TRIM3: variants seen among roughly 807,000 people sequenced by gnomAD.
TRIM3 encodes tripartite motif containing 3.
TRIM3 carries 13 observed loss-of-function variants against 66.6 expected under a neutral mutation model. That is an observed-to-expected ratio of 0.20 (90% CI 0.13 to 0.31). The LOEUF (loss-of-function observed/expected upper bound fraction) is 0.31. Ranked by LOEUF, TRIM3 falls within the 10% of genes least tolerant of loss-of-function variation. TRIM3 has a pLI of 1.00. For synonymous variants in TRIM3, 406 were observed against 411.7 expected (o/e 0.99, Z 0.17); for missense variants, 711 against 1,020.4 (o/e 0.70, Z 4.13).
At chr11:6,471,972 T>C (rs1850700610) in intron 1 of TRIM3, among the ~76,000 whole-genome samples, 1 of 152,056 alleles carries the variant, frequency 6.6e-6, no homozygotes, top group Admixed American at 6.5e-5. Flanking sequence ...ATGCTAAAAA[T>C]AAATAAATCT....
chr11:6,462,910 T>C lies in TRIM3; in HGVS notation c.131+2655A>G, dbSNP rs117255402. ...TCATCTCTAAAAAAAAAATAAAATT[T>C]AAAAAATTGAAACAAGCTGGGCACG... is the stretch of plus-strand genomic sequence containing the variant. On this transcript the variant is annotated intron_variant, in intron 2 of 11. Coordinates refer to ENST00000345851, the MANE Select transcript of TRIM3 (RefSeq NM_033278.4). 8.9e-3 allele frequency among the ~76,000 whole-genome samples: 1,341 copies of C among 151,108 alleles called. 11 individuals carry two copies. The highest frequency in any genetic ancestry group is 0.015 in the Admixed American group (222 of 15,192).
chr11:6,448,978 A>T lies in TRIM3; in HGVS notation c.*50T>A. 6.2e-7 allele frequency: 1 copy of T among 1,603,402 alleles called. No homozygotes were observed. Among genetic ancestry groups the T allele is most frequent in the Non-Finnish European group, 8.5e-7 (1 of 1,171,230 alleles). The stretch of plus-strand genomic sequence containing the variant: ...ACCTCCCAGCCAGACCCTCTTGTCC[A>T]ATCACCCCAATGTCTGTCCCTCCAC... On this transcript the variant is annotated 3_prime_UTR_variant, in exon 12 of 12. Transcript: ENST00000345851.
intron 1 of TRIM3, among the ~76,000 whole-genome samples, chr11:6,470,480 T>G (rs1850637382): frequency 6.6e-6 from 1 of 152,198 alleles, no homozygotes; most frequent in African/African-American, 2.4e-5. Flanking sequence ...CATAGCTCAC[T>G]GTAGCCTCAA....
chr11:6,450,774 G>C lies in TRIM3; in HGVS notation c.1870+118C>G, dbSNP rs1400088418. The C allele has an allele frequency of 6.8e-7, 1 of 1,475,528 alleles. No individual in the cohort carries two copies. Among genetic ancestry groups the C allele is most frequent in the East Asian group, 2.3e-5 (1 of 44,004 alleles). 91.4% of individuals were successfully genotyped at this position (1,475,528 alleles called of 1,614,324 possible). A position where few individuals can be genotyped will look rare whatever the true frequency, so the allele number is the denominator to read the frequency against. ...TTCTGAGATGATAGGGCTAACGTAAGGGAAGTGGGATCTCCAGAGCCAAGA... is the reference window on the plus strand; with the variant it reads ...TTCTGAGATGATAGGGCTAACGTAACGGAAGTGGGATCTCCAGAGCCAAGA... On this transcript the variant is annotated intron_variant, in intron 9 of 11. Coordinates refer to ENST00000345851, the MANE Select transcript of TRIM3 (RefSeq NM_033278.4). This position sits in a 1 kb window ranked among gnomAD's most constrained non-coding sequence, Gnocchi z 4.8.
chr11:6,456,326 G>A lies in TRIM3; in HGVS notation c.1400C>T (p.Pro467Leu). Reference protein sequence around the residue: ...YSTGGKRKDNPIEDELVFRVG... With the variant: ...YSTGGKRKDNLIEDELVFRVG... The stretch of plus-strand genomic sequence containing the variant: ...ACGGAAGACGAGCTCATCCTCAATT[G>A]GGTTGTCCTTTCGTTTGCCGCCTGT... Residue 467 changes from proline to leucine, a missense_variant, in exon 6 of 12, where the codon CCA (proline) becomes CTA (leucine). By Grantham distance (98) the Pro-to-Leu change is moderately conservative. Coordinates refer to ENST00000345851, the MANE Select transcript of TRIM3 (RefSeq NM_033278.4). The surrounding 1 kb of genome is among the most constrained non-coding windows in gnomAD (Gnocchi z 6.4). The A allele has an allele frequency of 6.5e-7, 1 of 1,545,280 alleles. No homozygotes were observed. The highest frequency in any genetic ancestry group is 2.3e-5 in the East Asian group (1 of 44,176).
Position 6,456,138 on chromosome 11 carries a change from T to C in TRIM3, c.1467A>G (p.Leu489=). The change falls in exon 7 of 12, where the codon TTA becomes TTG. Residue 489 remains leucine (L), a synonymous_variant. Transcript: ENST00000345851. The surrounding 1 kb of genome is among the most constrained non-coding windows in gnomAD (Gnocchi z 6.4). The part of the protein sequence containing the change: ...RGREKGEFTN[L]QGVSAASSGR... ...CGCTGCTGGCTGCGGACACACCTTG[T>C]AAATTGGTGAATTCACCTTTCTCCC... The C allele has an allele frequency of 6.2e-7, 1 of 1,614,182 alleles. No homozygotes were observed.
chr11:6,451,215 A>G, intron 8 of TRIM3, 56 bp downstream of exon 8: 1 of 1,605,118 alleles, frequency 6.2e-7, no homozygotes, highest in Admixed American at 1.7e-5. Context: ...AAGAGGCACT[A>G]GACTGGTCAG....
At chr11:6,453,786 C>T (rs984848719) in intron 7 of TRIM3, among the ~76,000 whole-genome samples, 3 of 152,222 alleles carry the variant, frequency 2.0e-5, no homozygotes, top group African/African-American at 7.2e-5. Flanking sequence ...AGGTCTGCCT[C>T]ATCCTCCACC....
chr11:6,470,438 C>T (rs1031543233), intron 1 of TRIM3, among the ~76,000 whole-genome samples: 1 of 152,160 alleles, frequency 6.6e-6, no homozygotes. Context: ...GGGTCTTACT[C>T]TGTTGTCCAG....
intron 2 of TRIM3, among the ~76,000 whole-genome samples, chr11:6,460,194 G>A (rs988811720): frequency 1.3e-5 from 2 of 152,170 alleles, no homozygotes. Context: ...CTGACGAGTT[G>A]GGTAAGGTAA....
rs1849618775 is a variant in TRIM3 at position 6,449,250 on chromosome 11, G to A, written c.2082+56C>T. On this transcript the variant is annotated intron_variant, in intron 11 of 11. Coordinates refer to ENST00000345851, the MANE Select transcript of TRIM3 (RefSeq NM_033278.4). This position sits in a 1 kb window ranked among gnomAD's most constrained non-coding sequence, Gnocchi z 5.3. Reference sequence around the variant, plus strand: ...ATGAGAGTCTGTTTTGGGGGAACGGGCATATGGGACACACCAGGAAACCGC... The same window carrying A: ...ATGAGAGTCTGTTTTGGGGGAACGGACATATGGGACACACCAGGAAACCGC... The A allele has an allele frequency of 6.2e-6, 10 of 1,609,624 alleles. No homozygotes were observed. In the South Asian group the frequency reaches 1.1e-4, roughly 18 times the overall value.
chr11:6,456,669 G>A lies in TRIM3; in HGVS notation c.1057C>T (p.Arg353Trp), dbSNP rs779400339. 1.9e-6 allele frequency: 3 copies of A among 1,606,474 alleles called. No homozygotes were observed. The highest frequency in any genetic ancestry group is 3.3e-5 in the Admixed American group (2 of 59,916). Reference protein sequence around the residue: ...LTVTTKDKDGRLVRTGSAELR... With the variant: ...LTVTTKDKDGWLVRTGSAELR... ...TCAGCGCTGCCTGTGCGCACCAACC[G>A]CCCGTCCTTGTCTTTGGTAGTGACA... Residue 353 changes from arginine to tryptophan, a missense_variant, in exon 6 of 12, where the codon CGG (arginine) becomes TGG (tryptophan). Arg to Trp is a moderately radical substitution (Grantham distance 101). Coordinates refer to ENST00000345851, the MANE Select transcript of TRIM3 (RefSeq NM_033278.4). The surrounding 1 kb of genome is among the most constrained non-coding windows in gnomAD (Gnocchi z 6.4).
At chr11:6,472,110 C>T (rs1402735835) in intron 1 of TRIM3, among the ~76,000 whole-genome samples, 1 of 152,180 alleles carries the variant, frequency 6.6e-6, no homozygotes, top group Non-Finnish European at 1.5e-5. Flanking sequence ...CTCAATTCTG[C>T]CTCTGAAATT....
chr11:6,456,560 A>T lies in TRIM3; in HGVS notation c.1166T>A (p.Val389Glu). Residue 389 changes from valine (V) to glutamate (E), a missense_variant, in exon 6 of 12, where the codon GTG (valine) becomes GAG (glutamate). Coordinates refer to ENST00000345851, the MANE Select transcript of TRIM3 (RefSeq NM_033278.4). This position sits in a 1 kb window ranked among gnomAD's most constrained non-coding sequence, Gnocchi z 6.4. ...VDHKNGTYEL[V>E]YTARTEGELL... The stretch of plus-strand genomic sequence containing the variant: ...CTCGCCTTCCGTGCGCGCTGTGTAC[A>T]CTAGCTCATATGTGCCATTCTTGTG... The T allele has an allele frequency of 6.2e-7, 1 of 1,612,526 alleles. No individual in the cohort carries two copies. The highest frequency in any genetic ancestry group is 2.2e-5 in the East Asian group (1 of 44,818).
At chr11:6,472,811 G>A (rs1455362986) in intron 1 of TRIM3, among the ~76,000 whole-genome samples, 3 of 152,206 alleles carry the variant, frequency 2.0e-5, no homozygotes, top group African/African-American at 7.2e-5. Flanking sequence ...CAAGTGCTCT[G>A]TCACTGGAGG....
In TRIM3 at chr11:6,448,762, G is replaced by A. The variant is rs1363741060; in HGVS notation, c.*266C>T. On this transcript the variant is annotated 3_prime_UTR_variant, in exon 12 of 12. Coordinates refer to ENST00000345851, the MANE Select transcript of TRIM3 (RefSeq NM_033278.4). The stretch of plus-strand genomic sequence containing the variant: ...TGGGGGATGGGGAGCAGACTGACAG[G>A]GGTGGGGAGGTGTGTAAGAAGGGTA... The A allele has an allele frequency of 4.9e-6, 3 of 613,212 alleles. No individual in the cohort carries two copies. In the South Asian group the frequency reaches 5.9e-5, roughly 12 times the overall value. 38.0% of individuals were successfully genotyped at this position (613,212 alleles called of 1,614,324 possible). A position where few individuals can be genotyped will look rare whatever the true frequency, so the allele number is the denominator to read the frequency against.
intron 2 of TRIM3, among the ~76,000 whole-genome samples, chr11:6,462,197 G>C (rs2134203585): frequency 6.6e-6 from 1 of 151,060 alleles, no homozygotes; most frequent in East Asian, 1.9e-4. Context: ...ACTTCTCTCT[G>C]TTTATATCCT....
chr11:6,467,495 G>A (rs1242489432), intron 1 of TRIM3, among the ~76,000 whole-genome samples: 1 of 152,256 alleles, frequency 6.6e-6, no homozygotes, highest in Non-Finnish European at 1.5e-5. Flanking sequence ...GCTGGGTGCA[G>A]TGGCTCATAC....
rs1364300682 is a variant in TRIM3 at position 6,450,719 on chromosome 11, G to C, written c.1871-98C>G. On this transcript the variant is annotated intron_variant, in intron 9 of 11. Transcript: ENST00000345851. This position sits in a 1 kb window ranked among gnomAD's most constrained non-coding sequence, Gnocchi z 4.8. ...ATAAAAGCTAGGGTGTTAGGAGAGG[G>C]GTGGGGTCTCCAGGACTGAGACAAA... 6 of 1,414,380 alleles carry C rather than the reference G, an allele frequency of 4.2e-6. No homozygotes were observed. Among genetic ancestry groups the C allele is most frequent in the Non-Finnish European group, 6.0e-6 (6 of 1,003,958 alleles). 87.6% of individuals were successfully genotyped at this position (1,414,380 alleles called of 1,614,324 possible).
Sources: allele counts gnomAD v4.1 joint callset (sites outside exome capture counted in the v4.1 genomes callset), GRCh38; gene constraint gnomAD v4.1.1; non-coding constraint Gnocchi (gnomAD v3.1); transcripts MANE v1.5; gene names NCBI Gene and HGNC (gene_info 2026-07-23, HGNC 2026-07-21).